SNAP25: variants seen among roughly 807,000 people sequenced by gnomAD.
SNAP25 encodes the protein synaptosomal-associated protein 25.
A neutral mutation model predicts 28.7 loss-of-function variants in SNAP25; 3 were observed. The observed-to-expected ratio is 0.10, with a 90% CI of 0.05 to 0.27. The LOEUF (loss-of-function observed/expected upper bound fraction) is 0.27, where lower values mean the gene tolerates loss of function less well. SNAP25 is among the 10% of genes least tolerant of loss of function. The probability of loss-of-function intolerance (pLI) is 1.00; values close to 1 mark genes in which losing one functional copy is unlikely to be tolerated. For synonymous variants in SNAP25, 61 were observed against 88.1 expected (o/e 0.69, Z 1.72); for missense variants, 117 against 278.7 (o/e 0.42, Z 4.13).
chr20:10,294,586 C>A (rs1408314627), intron 5 of SNAP25, among the ~76,000 whole-genome samples: 1 of 152,094 alleles, frequency 6.6e-6, no homozygotes, highest in African/African-American at 2.4e-5. Flanking sequence ...GAGGACCAAA[C>A]AATAAGAGTT....
chr20:10,299,230 C>T (rs1156293091), intron 6 of SNAP25, 38 bp from the exon 7 acceptor site: 1 of 1,607,134 alleles, frequency 6.2e-7, no homozygotes, highest in Admixed American at 1.7e-5. Context: ...ATATGTTTTC[C>T]ACCCTCTGTC....
chr20:10,263,791 C>T (rs2063461202), intron 1 of SNAP25, among the ~76,000 whole-genome samples: 1 of 152,152 alleles, frequency 6.6e-6, no homozygotes, highest in African/African-American at 2.4e-5. Context: ...GGCGGTTCTC[C>T]ACTCCAGCTT....
At chr20:10,236,091 C>T (rs1445329706) in intron 1 of SNAP25, among the ~76,000 whole-genome samples, 4 of 152,220 alleles carry the variant, frequency 2.6e-5, no homozygotes, top group African/African-American at 9.6e-5. Context: ...GAGAGCCCCA[C>T]CTCTGCCATA....
At chr20:10,246,289 G>A (rs771065767) in intron 1 of SNAP25, among the ~76,000 whole-genome samples, 6 of 152,270 alleles carry the variant, frequency 3.9e-5, no homozygotes, top group Admixed American at 6.5e-5. Flanking sequence ...GTGTGCGAGC[G>A]CATCCTGCAC....
Position 10,306,117 on chromosome 20 carries a change from C to T in SNAP25, c.553-12C>T, listed in dbSNP as rs1370471293. The T allele has an allele frequency of 6.2e-7, 1 of 1,613,174 alleles. No individual in the cohort carries two copies. The highest frequency in any genetic ancestry group is 2.2e-5 in the East Asian group (1 of 44,866). The stretch of plus-strand genomic sequence containing the variant: ...GGTAACCTGAGTTCTGTTTCTTTTC[C>T]CCCTTTTCTAGGCTGATTCCAACAA... On this transcript the variant is annotated splice_polypyrimidine_tract_variant and intron_variant, in intron 7 of 7. Transcript: ENST00000254976.
At chr20:10,301,903 G>C (rs1040930990) in intron 7 of SNAP25, among the ~76,000 whole-genome samples, 1 of 143,002 alleles carries the variant, frequency 7.0e-6, no homozygotes, top group African/African-American at 2.6e-5. Flanking sequence ...TATGTATATG[G>C]TTATTATATA....
chr20:10,286,905 T>C (rs1046619048), intron 4 of SNAP25, among the ~76,000 whole-genome samples: 1 of 152,168 alleles, frequency 6.6e-6, no homozygotes. Flanking sequence ...GGGTTTGTTA[T>C]TATTACGTGA....
intron 1 of SNAP25, among the ~76,000 whole-genome samples, chr20:10,233,503 C>T (rs988751836): frequency 1.2e-4 from 18 of 152,116 alleles, no homozygotes; most frequent in Non-Finnish European, 2.5e-4. Context: ...TAACCAAAAC[C>T]CATCGTTCCA....
intron 1 of SNAP25, among the ~76,000 whole-genome samples, chr20:10,222,825 A>G (rs1279723383): frequency 6.6e-6 from 1 of 152,206 alleles, no homozygotes; most frequent in Admixed American, 6.5e-5. Flanking sequence ...CTACATAGAC[A>G]TATAATTCCT....
intron 4 of SNAP25, among the ~76,000 whole-genome samples, chr20:10,289,707 G>C (rs1173332617): frequency 1.4e-5 from 2 of 146,930 alleles, no homozygotes; most frequent in Non-Finnish European, 3.0e-5. Context: ...TACTCATGAA[G>C]GCTGCATACT....
At chr20:10,284,696 C>T (rs774968474) in intron 3 of SNAP25, 28 bp from the exon 4 acceptor site, 1 of 1,594,718 alleles carries the variant, frequency 6.3e-7, no homozygotes, top group South Asian at 1.1e-5. Context: ...AACTCCTTTT[C>T]AACTTTGCTA....
intron 1 of SNAP25, among the ~76,000 whole-genome samples, chr20:10,258,335 T>A (rs529719573): frequency 5.9e-5 from 9 of 152,298 alleles, no homozygotes; most frequent in African/African-American, 2.2e-4. Context: ...CATTAATGAG[T>A]TAATAAATCT....
chr20:10,275,207 C>T (rs1161110974), intron 1 of SNAP25, among the ~76,000 whole-genome samples: 3 of 152,140 alleles, frequency 2.0e-5, no homozygotes, highest in Admixed American at 6.5e-5. Flanking sequence ...AATATTTCAT[C>T]GGTAGATAGG....
chr20:10,278,493 A>G (rs2063727908), intron 3 of SNAP25, among the ~76,000 whole-genome samples: 2 of 152,194 alleles, frequency 1.3e-5, no homozygotes, highest in African/African-American at 4.8e-5. Context: ...CCAATGGGAG[A>G]GATGAAGTGG....
At chr20:10,301,858 CTATA>C (rs201560396) in intron 7 of SNAP25, among the ~76,000 whole-genome samples, 1 of 142,016 alleles carries the variant, frequency 7.0e-6, no homozygotes, top group Non-Finnish European at 1.5e-5. Flanking sequence ...AAATAAATAA[CTATA>C]TATATTATAT....
intron 1 of SNAP25, chr20:10,219,486 C>A (rs1008620745): frequency 6.6e-6 from 1 of 152,226 alleles, no homozygotes; most frequent in Non-Finnish European, 1.5e-5. Flanking sequence ...GCCTCCATGC[C>A]CCGCGGACTT....
At chr20:10,301,229 G>A (rs932837846) in intron 7 of SNAP25, among the ~76,000 whole-genome samples, 2 of 152,076 alleles carry the variant, frequency 1.3e-5, no homozygotes, top group Non-Finnish European at 2.9e-5. Context: ...TTTCTTCTAC[G>A]CCCAGTGTAC....
chr20:10,306,255 T>C lies in SNAP25; in HGVS notation c.*58T>C. ...TCGGGCAAGATAGCTCCTTCATGCTTTTCTCATGGTATTATCTAGTAGGTC... is the reference window on the plus strand; with the variant it reads ...TCGGGCAAGATAGCTCCTTCATGCTCTTCTCATGGTATTATCTAGTAGGTC... On this transcript the variant is annotated 3_prime_UTR_variant, in exon 8 of 8. Transcript: ENST00000254976. The C allele has an allele frequency of 2.0e-6, 3 of 1,512,592 alleles. No individual in the cohort carries two copies. The highest frequency in any genetic ancestry group is 2.3e-5 in the East Asian group (1 of 44,318). The allele number at this position is 1,512,592 out of a possible 1,614,324, so 93.7% of individuals were successfully genotyped here.
At chr20:10,227,369 T>C (rs1021971346) in intron 1 of SNAP25, among the ~76,000 whole-genome samples, 2 of 152,080 alleles carry the variant, frequency 1.3e-5, no homozygotes, top group African/African-American at 4.8e-5. Flanking sequence ...GCCACACCCA[T>C]GTATGCAGGA....
Sources: gnomAD v4.1 joint callset for allele counts (sites outside exome capture counted in the v4.1 genomes callset) on GRCh38, gnomAD v4.1.1 for gene constraint, MANE v1.5 for transcripts, NCBI Gene and HGNC (gene_info 2026-07-23, HGNC 2026-07-21) for gene names.